The following OSBPL10 variants were observed in gnomAD, a reference collection of about 807,000 sequenced individuals.
The protein encoded by OSBPL10 is oxysterol binding protein like 10, also known as oxysterol-binding protein-related protein 10.
In OSBPL10, 49 loss-of-function variants were observed where a neutral mutation model predicts 81.7. That is an observed-to-expected ratio of 0.60 (90% CI 0.48 to 0.76). The LOEUF is 0.76. Ranked by LOEUF, OSBPL10 falls within the 30% of genes least tolerant of loss-of-function variation. OSBPL10 has a pLI of 0.00. For synonymous variants in OSBPL10, 419 were observed against 383.6 expected (o/e 1.09, Z -1.08); for missense variants, 923 against 987.8 (o/e 0.93, Z 0.88).
chr3:31,961,230 T>C lies in OSBPL10; in HGVS notation c.281+19669A>G, dbSNP rs113121619. ...ACCACCTAAGCAAACACGAGCCCTG[T>C]ACTGTCCTTGTGGGTGAGGCTAGAT... is the stretch of plus-strand genomic sequence containing the variant. On this transcript the variant is annotated intron_variant, in intron 1 of 11. Transcript: ENST00000396556. Among the ~76,000 whole-genome samples the C allele has an allele frequency of 2.1e-3, 315 of 152,180 alleles. 1 individual carries two copies. The highest frequency in any genetic ancestry group is 3.1e-3 in the Non-Finnish European group (214 of 68,010).
chr3:31,832,481 T>C (rs139450080), intron 3 of OSBPL10, among the ~76,000 whole-genome samples: 13 of 152,338 alleles, frequency 8.5e-5, no homozygotes, highest in Admixed American at 3.3e-4. Flanking sequence ...GTTCCTACAG[T>C]TCAAACATTT....
intron 1 of OSBPL10, among the ~76,000 whole-genome samples, chr3:32,053,512 G>A (rs1699684065): frequency 6.6e-6 from 1 of 152,146 alleles, no homozygotes; most frequent in African/African-American, 2.4e-5. Flanking sequence ...TACAAAAATT[G>A]TAAAGGGTTA....
At chr3:31,928,547 G>A (rs1454751994) in intron 1 of OSBPL10, among the ~76,000 whole-genome samples, 2 of 151,776 alleles carry the variant, frequency 1.3e-5, no homozygotes, top group East Asian at 3.9e-4. Flanking sequence ...GGCCGAGGCA[G>A]GCGGGTTACT....
chr3:31,921,604 G>C (rs1696917765), intron 1 of OSBPL10, among the ~76,000 whole-genome samples: 1 of 152,164 alleles, frequency 6.6e-6, no homozygotes, highest in African/African-American at 2.4e-5. Flanking sequence ...ATACTGATAT[G>C]AATAATGATT....
intron 1 of OSBPL10, among the ~76,000 whole-genome samples, chr3:31,895,801 T>C (rs1252785438): frequency 2.0e-5 from 3 of 152,188 alleles, no homozygotes; most frequent in Non-Finnish European, 4.4e-5. Context: ...AAAATTTACA[T>C]GAATGGGCAA....
At chr3:31,778,647 A>AG (rs1698610171) in intron 4 of OSBPL10, among the ~76,000 whole-genome samples, 1 of 152,192 alleles carries the variant, frequency 6.6e-6, no homozygotes. Flanking sequence ...GCAATAATCG[A>AG]GAAAAACTTG....
chr3:31,739,949 A>C (rs1328978794), intron 5 of OSBPL10, among the ~76,000 whole-genome samples: 1 of 152,040 alleles, frequency 6.6e-6, no homozygotes, highest in Non-Finnish European at 1.5e-5. Context: ...TATCTTAACT[A>C]CTGAAACTTT....
intron 2 of OSBPL10, among the ~76,000 whole-genome samples, chr3:31,995,981 A>G (rs1039311658): frequency 1.3e-5 from 2 of 152,126 alleles, no homozygotes; most frequent in African/African-American, 4.8e-5. Flanking sequence ...GATGAATCCA[A>G]TCTCAGCATT....
intron 2 of OSBPL10, among the ~76,000 whole-genome samples, chr3:32,008,050 G>C (rs954928307): frequency 6.6e-6 from 1 of 151,974 alleles, no homozygotes; most frequent in African/African-American, 2.4e-5. Context: ...TTTAAATAGG[G>C]TAACATGTAC....
At chr3:32,074,404 T>C (rs1699857510) in intron 1 of OSBPL10, among the ~76,000 whole-genome samples, 1 of 152,190 alleles carries the variant, frequency 6.6e-6, no homozygotes, top group South Asian at 2.1e-4. Context: ...AACCTTCCAC[T>C]GTCCAAATGT....
At chr3:31,960,633 A>G (rs1235914147) in intron 1 of OSBPL10, among the ~76,000 whole-genome samples, 1 of 152,164 alleles carries the variant, frequency 6.6e-6, no homozygotes, top group Non-Finnish European at 1.5e-5. Context: ...GTAAAAATGG[A>G]AGTTAACCCT....
At chr3:31,908,763 A>AT (rs1004180948) in intron 1 of OSBPL10, among the ~76,000 whole-genome samples, 5 of 152,148 alleles carry the variant, frequency 3.3e-5, no homozygotes, top group African/African-American at 1.2e-4. Context: ...AGGCCAGGAT[A>AT]TTTTTTAAGT....
chr3:31,664,186 C>G lies in OSBPL10; in HGVS notation c.2143G>C (p.Asp715His). The G allele has an allele frequency of 1.2e-6, 2 of 1,613,250 alleles. No individual in the cohort carries two copies. The highest frequency in any genetic ancestry group is 1.7e-6 in the Non-Finnish European group (2 of 1,180,000). The change falls in exon 11 of 12, where the codon GAC becomes CAC. Residue 715 changes from aspartate (D) to histidine (H), a missense_variant. By Grantham distance (81) the Asp-to-His change is moderately conservative. Transcript: ENST00000396556. ...TGCCGCTTCTGCTCGGTGGCTGCGTCAATGTCCCCCAGCCGCAGGTATCGG... is the reference window on the plus strand; with the variant it reads ...TGCCGCTTCTGCTCGGTGGCTGCGTGAATGTCCCCCAGCCGCAGGTATCGG... ...VTRYLRLGDI[D>H]AATEQKRHLE...
chr3:31,891,074 C>T (rs1024120205), intron 1 of OSBPL10, among the ~76,000 whole-genome samples: 1 of 152,164 alleles, frequency 6.6e-6, no homozygotes, highest in Non-Finnish European at 1.5e-5. Context: ...CCCCATGGCT[C>T]AGCTTTTTCC....
chr3:31,807,136 T>C (rs964503286), intron 4 of OSBPL10, among the ~76,000 whole-genome samples: 2 of 152,110 alleles, frequency 1.3e-5, no homozygotes, highest in African/African-American at 4.8e-5. Context: ...TCCCAGCACT[T>C]TGGGAGGCCA....
intron 6 of OSBPL10, among the ~76,000 whole-genome samples, chr3:31,711,781 T>C (rs1377317466): frequency 6.6e-6 from 1 of 152,210 alleles, no homozygotes; most frequent in Non-Finnish European, 1.5e-5. Context: ...GTGGTGACAG[T>C]GACATACACC....
intron 1 of OSBPL10, among the ~76,000 whole-genome samples, chr3:31,953,718 C>G (rs1697933423): frequency 6.6e-6 from 1 of 152,208 alleles, no homozygotes; most frequent in Non-Finnish European, 1.5e-5. Flanking sequence ...AATGGCCATT[C>G]TTCATTAACC....
chr3:31,704,633 T>C (rs1239560576), intron 6 of OSBPL10: 1 of 152,226 alleles, frequency 6.6e-6, no homozygotes, highest in Non-Finnish European at 1.5e-5. Context: ...ATGGACTGCA[T>C]ACTAAATCAA....
chr3:32,044,828 G>C (rs992950797), intron 2 of OSBPL10, among the ~76,000 whole-genome samples: 6 of 150,736 alleles, frequency 4.0e-5, no homozygotes, highest in Non-Finnish European at 8.8e-5. Context: ...CTTGTATAAT[G>C]CTCAAAAAAA....
Sources: gnomAD v4.1 joint callset for allele counts (sites outside exome capture counted in the v4.1 genomes callset) on GRCh38, gnomAD v4.1.1 for gene constraint, MANE v1.5 for transcripts, NCBI Gene and HGNC (gene_info 2026-07-23, HGNC 2026-07-21) for gene names.